The following CNTN4 variants were observed in gnomAD, a reference collection of about 807,000 sequenced individuals.
The protein encoded by CNTN4 is contactin-4.
CNTN4 carries 77 observed loss-of-function variants against 122.5 expected under a neutral mutation model. That is an observed-to-expected ratio of 0.63 (90% CI 0.52 to 0.76). The LOEUF (loss-of-function observed/expected upper bound fraction) is 0.76. Ranked by LOEUF, CNTN4 falls within the 30% of genes least tolerant of loss-of-function variation. CNTN4 has a pLI of 0.00. For missense variants in CNTN4, 1,256 were observed against 1,259.1 expected, an observed-to-expected ratio of 1.00 and a Z score of 0.04; for synonymous variants, 512 against 447.0, an observed-to-expected ratio of 1.15 and a Z score of -1.83.
intron 7 of CNTN4, among the ~76,000 whole-genome samples, chr3:2,821,744 A>G (rs1051684076): frequency 1.3e-5 from 2 of 152,182 alleles, no homozygotes; most frequent in African/African-American, 4.8e-5. Context: ...ATTTATTAGG[A>G]TTCCACTAAG....
intron 2 of CNTN4, among the ~76,000 whole-genome samples, chr3:2,229,171 G>C (rs960141060): frequency 6.6e-6 from 1 of 152,140 alleles, no homozygotes; most frequent in African/African-American, 2.4e-5. Context: ...ATTGAACCAG[G>C]TCTGTGAAAG....
intron 2 of CNTN4, among the ~76,000 whole-genome samples, chr3:2,331,753 G>A (rs1262928309): frequency 6.6e-6 from 1 of 152,192 alleles, no homozygotes. Context: ...CCACACAGGG[G>A]CTCAAGACCC....
chr3:2,235,711 G>A (rs886625173), intron 2 of CNTN4, among the ~76,000 whole-genome samples: 7 of 152,126 alleles, frequency 4.6e-5, no homozygotes, highest in African/African-American at 1.7e-4. Context: ...TGTTAATTTA[G>A]AAGTAACAAG....
chr3:2,103,517 C>T (rs562340233), intron 2 of CNTN4, among the ~76,000 whole-genome samples: 15 of 152,236 alleles, frequency 9.9e-5, no homozygotes, highest in South Asian at 2.1e-4. Context: ...GGGAGTCTTG[C>T]GCTACCACTT....
intron 3 of CNTN4, among the ~76,000 whole-genome samples, chr3:2,390,260 C>T (rs2046396342): frequency 1.4e-5 from 2 of 138,290 alleles, no homozygotes; most frequent in African/African-American, 5.9e-5. Context: ...GTACAGAGGG[C>T]ATAGAAATTA....
At chr3:2,360,518 T>G (rs1044741164) in intron 3 of CNTN4, among the ~76,000 whole-genome samples, 1 of 152,150 alleles carries the variant, frequency 6.6e-6, no homozygotes, top group Admixed American at 6.5e-5. Context: ...TATTAGTCCA[T>G]TTTCATGCTG....
chr3:2,117,858 T>A (rs775117615), intron 2 of CNTN4, among the ~76,000 whole-genome samples: 6 of 152,244 alleles, frequency 3.9e-5, no homozygotes, highest in Non-Finnish European at 8.8e-5. Flanking sequence ...TTTAACAATG[T>A]GTCCCACATC....
At chr3:2,724,137 T>A (rs1483535324) in intron 4 of CNTN4, among the ~76,000 whole-genome samples, 1 of 152,202 alleles carries the variant, frequency 6.6e-6, no homozygotes, top group African/African-American at 2.4e-5. Context: ...TTGTAAACAC[T>A]CTTTTTTCAA....
chr3:2,702,723 A>AC (rs1292319536), intron 4 of CNTN4, among the ~76,000 whole-genome samples: 1 of 152,246 alleles, frequency 6.6e-6, no homozygotes, highest in Admixed American at 6.5e-5. Flanking sequence ...TAGAGGCTGA[A>AC]GCACATGGTG....
intron 7 of CNTN4, among the ~76,000 whole-genome samples, chr3:2,838,340 T>C (rs2093276359): frequency 6.6e-6 from 1 of 152,192 alleles, no homozygotes; most frequent in Admixed American, 6.5e-5. Context: ...CAGGTATCTT[T>C]AATGTGAGTT....
At chr3:2,524,000 A>G (rs911137042) in intron 3 of CNTN4, among the ~76,000 whole-genome samples, 18 of 152,152 alleles carry the variant, frequency 1.2e-4, no homozygotes, top group Non-Finnish European at 2.5e-4. Flanking sequence ...TAATTATGGT[A>G]TAATTCTTAT....
At chr3:2,581,294 A>C (rs1576084888) in intron 4 of CNTN4, among the ~76,000 whole-genome samples, 1 of 152,130 alleles carries the variant, frequency 6.6e-6, no homozygotes, top group African/African-American at 2.4e-5. Flanking sequence ...AGGTCAGACC[A>C]GAATCCATTT....
At chr3:2,483,944 G>A (rs915507016) in intron 3 of CNTN4, among the ~76,000 whole-genome samples, 1 of 152,110 alleles carries the variant, frequency 6.6e-6, no homozygotes. Flanking sequence ...ATGAAAGAAA[G>A]AATTGATAGG....
At chr3:2,626,496 C>CAAAAAAAAAAAAAAAAAAAAAAA (rs35668647) in intron 4 of CNTN4, among the ~76,000 whole-genome samples, 1 of 143,966 alleles carries the variant, frequency 6.9e-6, no homozygotes, top group Non-Finnish European at 1.5e-5. Flanking sequence ...GACTCTATCT[C>CAAAAAAAAAAAAAAAAAAAAAAA]AAAAAAAAAA....
chr3:2,239,146 T>C (rs1214424591), intron 2 of CNTN4: 1 of 152,182 alleles, frequency 6.6e-6, no homozygotes, highest in Non-Finnish European at 1.5e-5. Context: ...ATATATCATA[T>C]ACTGGAGAAT....
intron 14 of CNTN4, among the ~76,000 whole-genome samples, chr3:3,001,719 A>C (rs1209210533): frequency 8.5e-5 from 13 of 152,222 alleles, no homozygotes; most frequent in Admixed American, 8.5e-4. Flanking sequence ...AAAAAAAGCC[A>C]GCTCTTGATT....
At chr3:2,682,142 G>T (rs1435086693) in intron 4 of CNTN4, among the ~76,000 whole-genome samples, 1 of 152,158 alleles carries the variant, frequency 6.6e-6, no homozygotes, top group African/African-American at 2.4e-5. Flanking sequence ...ACAAGTTAAA[G>T]AACATGAGTA....
At chr3:2,306,217 A>G in intron 2 of CNTN4, among the ~76,000 whole-genome samples, 1 of 152,190 alleles carries the variant, frequency 6.6e-6, no homozygotes, top group Non-Finnish European at 1.5e-5. Flanking sequence ...GAAACTGTTT[A>G]CCAAAGTGTT....
intron 2 of CNTN4, among the ~76,000 whole-genome samples, chr3:2,256,360 G>A (rs2040591809): frequency 6.6e-6 from 1 of 152,134 alleles, no homozygotes; most frequent in Non-Finnish European, 1.5e-5. Context: ...TCTACCAGAG[G>A]TACAAAGAGG....
Sources: gnomAD v4.1 joint callset for allele counts (sites outside exome capture counted in the v4.1 genomes callset) on GRCh38, gnomAD v4.1.1 for gene constraint, MANE v1.5 for transcripts, NCBI Gene and HGNC (gene_info 2026-07-23, HGNC 2026-07-21) for gene names.